Variants in SUSD4 observed in about 807,000 individuals in gnomAD.
SUSD4 encodes the protein sushi domain-containing protein 4.
A neutral mutation model predicts 50.5 loss-of-function variants in SUSD4; 41 were observed. That is an observed-to-expected ratio of 0.81 (90% confidence interval 0.63 to 1.05). SUSD4 has a LOEUF of 1.05. SUSD4 is among the 50% of genes least tolerant of loss of function. The pLI is 0.00. For missense variants in SUSD4, 580 were observed against 634.7 expected (o/e 0.91, Z 0.93); for synonymous variants, 257 against 257.3 (o/e 1.00, Z 0.01).
chr1:223,271,588 G>C lies in SUSD4; in HGVS notation c.362-2913C>G, dbSNP rs577926229. On this transcript the variant is annotated intron_variant, in intron 3 of 8. Coordinates refer to ENST00000366878, the MANE Select transcript of SUSD4 (RefSeq NM_017982.4). ...AAATCCCAACAAGGGGAAGAGGCCAGGAGGGGCAGTGCCCTAGGAATGAGT... is the reference window on the plus strand; with the variant it reads ...AAATCCCAACAAGGGGAAGAGGCCACGAGGGGCAGTGCCCTAGGAATGAGT... Among the ~76,000 whole-genome samples the C allele has an allele frequency of 7.3e-5, 10 of 136,238 alleles. No individual in the cohort carries two copies. The East Asian group carries it at 2.0e-3, about 27-fold the overall frequency. The allele number at this position is 136,238 out of a possible 152,430, so 89.4% of individuals were successfully genotyped here. A position where few individuals can be genotyped will look rare whatever the true frequency, so the allele number is the denominator to read the frequency against.
rs545529464 is a variant in SUSD4 at position 223,293,350 on chromosome 1, G to A, written c.149-699C>T. 1.1e-3 allele frequency among the ~76,000 whole-genome samples: 165 copies of A among 152,206 alleles called. 6 individuals carry two copies. The South Asian group carries it at 0.034, about 31-fold the overall frequency. On this transcript the variant is annotated intron_variant, in intron 2 of 8. Transcript: ENST00000366878. ...CCCTACTTTGTTCCACTGCTGTAGC[G>A]TCAACACAGCTGTGTGCTGAATTAC...
chr1:223,255,791 G>A (rs767748054), intron 5 of SUSD4, among the ~76,000 whole-genome samples: 1 of 152,160 alleles, frequency 6.6e-6, no homozygotes, highest in Non-Finnish European at 1.5e-5. Context: ...CTTTTCTGCC[G>A]ATTAAATTTT....
At chr1:223,351,191 T>TC (rs1668344626) in intron 2 of SUSD4, among the ~76,000 whole-genome samples, 1 of 152,174 alleles carries the variant, frequency 6.6e-6, no homozygotes. Flanking sequence ...AGGATTCCAG[T>TC]CCCCCCGGAT....
At chr1:223,264,452 C>T in intron 5 of SUSD4, 178 bp downstream of exon 5, 4 of 1,344,206 alleles carry the variant, frequency 3.0e-6, no homozygotes, top group Non-Finnish European at 3.8e-6. Context: ...GCAAGTTTTA[C>T]ATCTAATTGT....
At chr1:223,273,057 A>T (rs1320577226) in intron 3 of SUSD4, among the ~76,000 whole-genome samples, 1 of 152,226 alleles carries the variant, frequency 6.6e-6, no homozygotes, top group Non-Finnish European at 1.5e-5. Context: ...CCCCTGAGGA[A>T]ATGACATTTA....
intron 2 of SUSD4, among the ~76,000 whole-genome samples, chr1:223,349,977 TC>T (rs1314714923): frequency 6.6e-6 from 1 of 152,042 alleles, no homozygotes; most frequent in Non-Finnish European, 1.5e-5. Flanking sequence ...GGGGCCCTAA[TC>T]CAACATGACC....
chr1:223,354,859 T>C (rs922708886), intron 2 of SUSD4, among the ~76,000 whole-genome samples: 4 of 152,266 alleles, frequency 2.6e-5, no homozygotes, highest in East Asian at 1.9e-4. Flanking sequence ...GATTCTTCTA[T>C]GTACTGAGAA....
At chr1:223,287,211 G>A (rs1664203596) in intron 3 of SUSD4, among the ~76,000 whole-genome samples, 1 of 152,176 alleles carries the variant, frequency 6.6e-6, no homozygotes, top group Non-Finnish European at 1.5e-5. Flanking sequence ...AGAGTAGCTG[G>A]GATCATAGGC....
rs558769742 is a variant in SUSD4, at chr1:223,277,236, C to T, written c.362-8561G>A. ...AATTATTCATCTTTTATAGCAATCC[C>T]GGTCAGGTCTATGGGAGCCAAAATA... On this transcript the variant is annotated intron_variant, in intron 3 of 8. Transcript: ENST00000366878. Among the ~76,000 whole-genome samples, 9 of 152,262 alleles carry T rather than the reference C, an allele frequency of 5.9e-5. No individual in the cohort carries two copies. In the South Asian group the frequency reaches 6.2e-4, roughly 11 times the overall value.
At chr1:223,247,238 C>T (rs558844690) in intron 5 of SUSD4, among the ~76,000 whole-genome samples, 1 of 152,342 alleles carries the variant, frequency 6.6e-6, no homozygotes, top group Admixed American at 6.5e-5. Context: ...ACATTGCCCA[C>T]TGTCCCTTGT....
chr1:223,264,582 C>A, intron 5 of SUSD4, 48 bp downstream of exon 5: 1 of 1,604,600 alleles, frequency 6.2e-7, no homozygotes, highest in South Asian at 1.1e-5. Context: ...TCTTCTTCCT[C>A]CCTTTAATAA....
chr1:223,330,665 G>A (rs939671423), intron 2 of SUSD4, among the ~76,000 whole-genome samples: 3 of 152,200 alleles, frequency 2.0e-5, no homozygotes, highest in Admixed American at 1.3e-4. Context: ...CCGGCCTCAT[G>A]CAGCTAATGT....
chr1:223,267,249 A>G (rs988370274), intron 4 of SUSD4, among the ~76,000 whole-genome samples: 4 of 152,110 alleles, frequency 2.6e-5, no homozygotes, highest in African/African-American at 9.7e-5. Context: ...ACTGGGGAAA[A>G]AAGAACTCCT....
In SUSD4 at chr1:223,229,562, G is replaced by A. The variant is rs1299095545; in HGVS notation, c.725-174C>T. 6 of 587,676 alleles carry A rather than the reference G, an allele frequency of 1.0e-5. No homozygotes were observed. The highest frequency in any genetic ancestry group is 1.7e-5 in the Non-Finnish European group (6 of 349,762). 36.4% of individuals were successfully genotyped at this position (587,676 alleles called of 1,614,324 possible). ...CTTTTTTAGTATTTCATGGAAGGCG[G>A]AATGGAAGCCTGCTGTAATATTCTG... On this transcript the variant is annotated intron_variant, in intron 5 of 8. Coordinates refer to ENST00000366878, the MANE Select transcript of SUSD4 (RefSeq NM_017982.4). The surrounding 1 kb of genome is among the most constrained non-coding windows in gnomAD (Gnocchi z 4.7).
rs1451925548 is a variant in SUSD4, at chr1:223,332,632, T to C, written c.148+30646A>G. On this transcript the variant is annotated intron_variant, in intron 2 of 8. Coordinates refer to ENST00000366878, the MANE Select transcript of SUSD4 (RefSeq NM_017982.4). This position sits in a 1 kb window ranked among gnomAD's most constrained non-coding sequence, Gnocchi z 4.0. ...GCACTGAAACATGGCCTGACCACAC[T>C]GTAGCAAGTAATTCTGCAATTCTCA... is the stretch of plus-strand genomic sequence containing the variant. Among the ~76,000 whole-genome samples, 2 of 152,170 alleles carry C rather than the reference T, an allele frequency of 1.3e-5. No individual in the cohort carries two copies. The highest frequency in any genetic ancestry group is 2.9e-5 in the Non-Finnish European group (2 of 68,034).
intron 2 of SUSD4, among the ~76,000 whole-genome samples, chr1:223,293,381 G>C (rs988379277): frequency 5.3e-5 from 8 of 152,194 alleles, no homozygotes; most frequent in Non-Finnish European, 4.4e-5. Context: ...ATTACCTGCA[G>C]AACAGCTGCC....
chr1:223,320,480 T>C (rs1666508624), intron 2 of SUSD4, among the ~76,000 whole-genome samples: 1 of 151,664 alleles, frequency 6.6e-6, no homozygotes, highest in Non-Finnish European at 1.5e-5. Flanking sequence ...GTTGTGTCCC[T>C]CCGCTTCTCG....
At chr1:223,295,971 T>C (rs17161993) in intron 2 of SUSD4, among the ~76,000 whole-genome samples, 67,895 of 151,864 alleles carry the variant, frequency 0.45, 15,973 homozygotes, top group African/African-American at 0.6. Context: ...GGGAAGATCA[T>C]TTGAAATGGC....
At chr1:223,252,219 T>TAAAAA (rs68004270) in intron 5 of SUSD4, among the ~76,000 whole-genome samples, 1 of 129,086 alleles carries the variant, frequency 7.7e-6, no homozygotes, top group African/African-American at 3.1e-5. Flanking sequence ...AAAGTATAAT[T>TAAAAA]AAAAAAAAAA....
Sources: allele counts gnomAD v4.1 joint callset (sites outside exome capture counted in the v4.1 genomes callset), GRCh38; gene constraint gnomAD v4.1.1; non-coding constraint Gnocchi (gnomAD v3.1); transcripts MANE v1.5; gene names NCBI Gene and HGNC (gene_info 2026-07-23, HGNC 2026-07-21).